Variants in BCAS3 observed in about 807,000 individuals in gnomAD.
BCAS3 encodes the protein BCAS3 microtubule associated cell migration factor.
A neutral mutation model predicts 116.1 loss-of-function variants in BCAS3; 53 were observed. The observed-to-expected ratio is 0.46, with a 90% CI of 0.37 to 0.57. The LOEUF is 0.57. Ranked by LOEUF, BCAS3 falls within the 20% of genes least tolerant of loss-of-function variation. The pLI, the probability that BCAS3 is intolerant of heterozygous loss-of-function variation, is 0.00. For missense variants in BCAS3, 917 were observed against 1,165.4 expected (o/e 0.79, Z 3.10); for synonymous variants, 391 against 408.2 (o/e 0.96, Z 0.51).
At chr17:60,937,138 T>G (rs915780652) in intron 13 of BCAS3, among the ~76,000 whole-genome samples, 8 of 152,192 alleles carry the variant, frequency 5.3e-5, no homozygotes, top group Non-Finnish European at 1.0e-4. Flanking sequence ...ATTTCTTGTT[T>G]TTGTCAGGTT....
At position 60,983,834 on chromosome 17, in the gene BCAS3, A is replaced by G. The variant is rs150155266; in HGVS notation, c.1222-6137A>G. Among the ~76,000 whole-genome samples, 577 of 152,254 alleles carry G rather than the reference A, an allele frequency of 3.8e-3. 3 individuals carry two copies. Among genetic ancestry groups the G allele is most frequent in the African/African-American group, 0.013 (549 of 41,564 alleles). ...AGTTGACTCTGTCATGTGAAAATGC[A>G]TTTCATATTATGATATTAATTTCTT... is the stretch of plus-strand genomic sequence containing the variant. On this transcript the variant is annotated intron_variant, in intron 14 of 23. Transcript: ENST00000407086.
intron 7 of BCAS3, among the ~76,000 whole-genome samples, chr17:60,866,821 A>G (rs1449819289): frequency 6.6e-6 from 1 of 152,076 alleles, no homozygotes; most frequent in Non-Finnish European, 1.5e-5. Context: ...GACCAGAGTT[A>G]TTGATTCTAT....
At chr17:61,000,390 A>T (rs2064154856) in intron 15 of BCAS3, among the ~76,000 whole-genome samples, 1 of 152,130 alleles carries the variant, frequency 6.6e-6, no homozygotes. Flanking sequence ...TGGTGGTAGA[A>T]TCTATCTTCC....
intron 6 of BCAS3, among the ~76,000 whole-genome samples, chr17:60,780,092 C>A (rs1361297338): frequency 6.6e-6 from 1 of 151,302 alleles, no homozygotes; most frequent in Non-Finnish European, 1.5e-5. Flanking sequence ...TGGATTCAAG[C>A]GATTCTTCTG....
At chr17:60,900,271 C>CA (rs1459609880) in intron 10 of BCAS3, 1 of 151,932 alleles carries the variant, frequency 6.6e-6, no homozygotes, top group African/African-American at 2.4e-5. Flanking sequence ...TGTATAGGAC[C>CA]CAGTACAAGC....
Position 61,029,640 on chromosome 17 carries a change from T to C in BCAS3, c.1638-5026T>C, listed in dbSNP as rs543242244. Among the ~76,000 whole-genome samples, 16 of 152,092 alleles carry C rather than the reference T, an allele frequency of 1.1e-4. No individual in the cohort carries two copies. The East Asian group carries it at 2.9e-3, about 28-fold the overall frequency. On this transcript the variant is annotated intron_variant, in intron 16 of 23. Transcript: ENST00000407086. This position sits in a 1 kb window ranked among gnomAD's most constrained non-coding sequence, Gnocchi z 5.2. ...ATTTAAGCTACTGTTATTTTTGAAT[T>C]GCTTATCAAAAAACATACATGACAG...
chr17:60,929,714 C>T (rs1219583910), intron 13 of BCAS3, among the ~76,000 whole-genome samples: 3 of 94,820 alleles, frequency 3.2e-5, no homozygotes. Flanking sequence ...TGCTATCCCT[C>T]CCCCCTCCCC....
intron 16 of BCAS3, among the ~76,000 whole-genome samples, chr17:61,016,797 G>T (rs1247107463): frequency 6.6e-6 from 1 of 152,104 alleles, no homozygotes; most frequent in Non-Finnish European, 1.5e-5. Flanking sequence ...ATATTATTTG[G>T]CTGCTACGTC....
At chr17:61,371,934 A>C (rs923483360) in intron 23 of BCAS3, among the ~76,000 whole-genome samples, 22 of 152,322 alleles carry the variant, frequency 1.4e-4, no homozygotes, top group African/African-American at 5.1e-4. Flanking sequence ...ATGGATGCCG[A>C]CCAAATAGTT....
At chr17:61,210,051 C>T (rs2144327091) in intron 22 of BCAS3, among the ~76,000 whole-genome samples, 1 of 152,314 alleles carries the variant, frequency 6.6e-6, no homozygotes, top group East Asian at 1.9e-4. Flanking sequence ...GTCTTCAGCC[C>T]ACGCAGGGAA....
At chr17:60,721,550 A>G (rs964573829) in intron 5 of BCAS3, among the ~76,000 whole-genome samples, 2 of 152,200 alleles carry the variant, frequency 1.3e-5, no homozygotes, top group Admixed American at 6.5e-5. Flanking sequence ...TGACATAGGC[A>G]GTAGACATTA....
At chr17:60,831,973 C>CA in intron 7 of BCAS3, among the ~76,000 whole-genome samples, 1 of 151,806 alleles carries the variant, frequency 6.6e-6, no homozygotes, top group Non-Finnish European at 1.5e-5. Context: ...CTTTCTCAGA[C>CA]AAAAAAATAA....
intron 4 of BCAS3, among the ~76,000 whole-genome samples, chr17:60,694,346 CA>C (rs1367705138): frequency 2.0e-5 from 3 of 150,752 alleles, no homozygotes; most frequent in Non-Finnish European, 4.4e-5. Flanking sequence ...ACTAAAAAAA[CA>C]AAAATTAGCT....
intron 22 of BCAS3, among the ~76,000 whole-genome samples, chr17:61,119,026 G>A (rs1218807212): frequency 6.6e-6 from 1 of 152,122 alleles, no homozygotes; most frequent in African/African-American, 2.4e-5. Context: ...GGAGTCTCTA[G>A]ACACAACACT....
rs1032028149 is a variant in BCAS3, at chr17:61,368,631, G to A, written c.2593+137G>A. ...TTAGTTAGCACTCCAGTGGCTATCC[G>A]TCTGAGGAGCTCTGGTGTTGGGAAA... On this transcript the variant is annotated intron_variant, in intron 23 of 23. Transcript: ENST00000407086. The surrounding 1 kb of genome is among the most constrained non-coding windows in gnomAD (Gnocchi z 6.0). 1.6e-5 allele frequency: 17 copies of A among 1,033,840 alleles called. No individual in the cohort carries two copies. The highest frequency in any genetic ancestry group is 2.2e-4 in the Middle Eastern group (1 of 4,642). The allele number at this position is 1,033,840 out of a possible 1,614,324, so 64.0% of individuals were successfully genotyped here. A position where few individuals can be genotyped will look rare whatever the true frequency, so the allele number is the denominator to read the frequency against.
intron 14 of BCAS3, among the ~76,000 whole-genome samples, chr17:60,973,414 A>C (rs927165899): frequency 6.6e-6 from 1 of 152,052 alleles, no homozygotes; most frequent in Non-Finnish European, 1.5e-5. Context: ...TGAAGGAGTG[A>C]ATGTTGGAGA....
intron 13 of BCAS3, among the ~76,000 whole-genome samples, chr17:60,931,617 A>G (rs781170646): frequency 6.6e-6 from 1 of 152,072 alleles, no homozygotes; most frequent in Non-Finnish European, 1.5e-5. Context: ...ACTGATTCCT[A>G]TCTTAAATAT....
intron 22 of BCAS3, among the ~76,000 whole-genome samples, chr17:61,170,412 C>A (rs1380164336): frequency 2.0e-5 from 3 of 152,030 alleles, no homozygotes; most frequent in Non-Finnish European, 4.4e-5. Flanking sequence ...CCTGCCTCAG[C>A]CTCCCAAGTG....
At chr17:60,869,409 A>G (rs920712454) in intron 8 of BCAS3, among the ~76,000 whole-genome samples, 13 of 152,212 alleles carry the variant, frequency 8.5e-5, no homozygotes, top group Admixed American at 8.5e-4. Flanking sequence ...CTTCCATGCC[A>G]TTAAAAAGCA....
Sources: gnomAD v4.1 joint callset for allele counts (sites outside exome capture counted in the v4.1 genomes callset) on GRCh38, gnomAD v4.1.1 for gene constraint, Gnocchi (gnomAD v3.1) non-coding constraint, MANE v1.5 for transcripts, NCBI Gene and HGNC (gene_info 2026-07-23, HGNC 2026-07-21) for gene names.